SCFD2: variants seen among roughly 807,000 people sequenced by gnomAD.
The protein encoded by SCFD2 is sec1 family domain-containing protein 2.
In SCFD2, 54 loss-of-function variants were observed where a neutral mutation model predicts 58.9. That is an observed-to-expected ratio of 0.92 (90% CI 0.74 to 1.15). SCFD2 has a LOEUF of 1.15. SCFD2 is among the 50% of genes most tolerant of loss of function. The pLI, the probability that SCFD2 is intolerant of heterozygous loss-of-function variation, is 0.00. For missense variants in SCFD2, 805 were observed against 836.6 expected (o/e 0.96, Z 0.47); for synonymous variants, 321 against 335.9 (o/e 0.96, Z 0.49).
intron 2 of SCFD2, among the ~76,000 whole-genome samples, chr4:53,326,184 C>T (rs1733191176): frequency 6.6e-6 from 1 of 151,766 alleles, no homozygotes; most frequent in Non-Finnish European, 1.5e-5. Context: ...GCTCTGTCAC[C>T]CAGGCCAGAG....
At chr4:53,131,374 G>C (rs1268747661) in intron 5 of SCFD2, among the ~76,000 whole-genome samples, 1 of 152,198 alleles carries the variant, frequency 6.6e-6, no homozygotes, top group Non-Finnish European at 1.5e-5. Context: ...TCTTTAGAGA[G>C]ATCTGAACAG....
At position 52,873,926 on chromosome 4, in the gene SCFD2, C is replaced by G. The variant is rs138867267; in HGVS notation, c.*43G>C. ...TTGGAGTGGTGGCAGAAAATTGCAT[C>G]GGCATTTCCAGCTTGAGTAGGTCTT... On this transcript the variant is annotated 3_prime_UTR_variant, in exon 9 of 9. Transcript: ENST00000401642. The G allele has an allele frequency of 7.0e-7, 1 of 1,433,192 alleles. No individual in the cohort carries two copies. Among genetic ancestry groups the G allele is most frequent in the African/African-American group, 1.4e-5 (1 of 71,250 alleles). 88.8% of individuals were successfully genotyped at this position (1,433,192 alleles called of 1,614,324 possible).
intron 4 of SCFD2, among the ~76,000 whole-genome samples, chr4:53,269,423 T>C (rs2149063801): frequency 6.6e-6 from 1 of 152,182 alleles, no homozygotes; most frequent in South Asian, 2.1e-4. Context: ...TGTTTTAAAA[T>C]GGTATAATTG....
chr4:53,326,503 A>T (rs912677941), intron 2 of SCFD2, among the ~76,000 whole-genome samples: 1 of 147,116 alleles, frequency 6.8e-6, no homozygotes, highest in African/African-American at 2.5e-5. Flanking sequence ...TTAACCTGAT[A>T]AAAAAAAAAT....
At chr4:53,280,097 T>G (rs1009788930) in intron 3 of SCFD2, among the ~76,000 whole-genome samples, 11 of 152,248 alleles carry the variant, frequency 7.2e-5, no homozygotes, top group African/African-American at 2.7e-4. Flanking sequence ...TAAAATATAC[T>G]TAAAATATTT....
intron 5 of SCFD2, among the ~76,000 whole-genome samples, chr4:52,923,537 G>A (rs1378570784): frequency 1.3e-5 from 2 of 150,826 alleles, no homozygotes; most frequent in East Asian, 4.0e-4. Flanking sequence ...AGCTCAGTGA[G>A]AAAATGCCTC....
At chr4:53,233,077 G>A (rs1360280030) in intron 4 of SCFD2, among the ~76,000 whole-genome samples, 1 of 152,106 alleles carries the variant, frequency 6.6e-6, no homozygotes, top group Non-Finnish European at 1.5e-5. Flanking sequence ...TTTCAGAAAA[G>A]CACACCTTTA....
chr4:53,237,328 C>T (rs542129617), intron 4 of SCFD2, among the ~76,000 whole-genome samples: 25 of 151,830 alleles, frequency 1.6e-4, no homozygotes, highest in Admixed American at 6.5e-4. Context: ...CATTGTCATC[C>T]TGGCCCGTTC....
At chr4:53,346,980 T>C (rs10007422) in intron 2 of SCFD2, among the ~76,000 whole-genome samples, 39,597 of 152,120 alleles carry the variant, frequency 0.26, 5,655 homozygotes, top group Non-Finnish European at 0.34. Context: ...CTGATATTTG[T>C]AGTAAGACAT....
chr4:53,135,002 T>C (rs1725895420), intron 5 of SCFD2, among the ~76,000 whole-genome samples: 2 of 152,032 alleles, frequency 1.3e-5, no homozygotes. Context: ...TAGAATCTAT[T>C]TGAAAAAAAA....
chr4:53,064,228 T>A (rs988310736), intron 5 of SCFD2, among the ~76,000 whole-genome samples: 1 of 152,060 alleles, frequency 6.6e-6, no homozygotes, highest in African/African-American at 2.4e-5. Context: ...CTCACCCAGG[T>A]AGTAAGCATA....
chr4:53,239,242 C>CG (rs1560404454), intron 4 of SCFD2, among the ~76,000 whole-genome samples: 3 of 151,904 alleles, frequency 2.0e-5, no homozygotes, highest in Admixed American at 2.0e-4. Flanking sequence ...CGCAGGCACT[C>CG]GGCAGGCTGA....
At chr4:53,179,355 T>TA (rs919024166) in intron 4 of SCFD2, among the ~76,000 whole-genome samples, 2 of 151,902 alleles carry the variant, frequency 1.3e-5, no homozygotes, top group East Asian at 3.9e-4. Flanking sequence ...TCAACATTCT[T>TA]AAAAAAAAGA....
chr4:53,349,574 C>G (rs1438679526), intron 2 of SCFD2, among the ~76,000 whole-genome samples: 1 of 152,230 alleles, frequency 6.6e-6, no homozygotes, highest in East Asian at 1.9e-4. Flanking sequence ...CTAAGACTTT[C>G]TCTCTTGTCA....
intron 4 of SCFD2, among the ~76,000 whole-genome samples, chr4:53,265,748 A>T (rs1444478945): frequency 1.3e-5 from 2 of 151,186 alleles, no homozygotes; most frequent in African/African-American, 4.9e-5. Context: ...TTTGCCTTTT[A>T]TTTATTTATT....
chr4:52,928,631 T>C (rs1719917474), intron 5 of SCFD2, among the ~76,000 whole-genome samples: 1 of 152,142 alleles, frequency 6.6e-6, no homozygotes, highest in South Asian at 2.1e-4. Context: ...CCCATGACTG[T>C]TGGTGCACTG....
chr4:52,914,050 G>C (rs1351485307), intron 6 of SCFD2, among the ~76,000 whole-genome samples: 2 of 152,206 alleles, frequency 1.3e-5, no homozygotes, highest in Non-Finnish European at 2.9e-5. Flanking sequence ...GCAAGCTGCA[G>C]GTTGTAGGTA....
chr4:53,016,687 T>C (rs967128191), intron 5 of SCFD2, among the ~76,000 whole-genome samples: 1 of 152,214 alleles, frequency 6.6e-6, no homozygotes, highest in Non-Finnish European at 1.5e-5. Flanking sequence ...AAAGAAAATT[T>C]ATACTTCTCA....
intron 5 of SCFD2, among the ~76,000 whole-genome samples, chr4:53,074,179 G>A (rs935805088): frequency 1.3e-5 from 2 of 152,076 alleles, no homozygotes; most frequent in Admixed American, 1.3e-4. Context: ...TAGCATCTTT[G>A]CCAGAAGTAG....
Sources: allele counts gnomAD v4.1 joint callset (sites outside exome capture counted in the v4.1 genomes callset), GRCh38; gene constraint gnomAD v4.1.1; transcripts MANE v1.5; gene names NCBI Gene and HGNC (gene_info 2026-07-23, HGNC 2026-07-21).